The following LRP1B variants were observed in gnomAD, a reference collection of about 807,000 sequenced individuals.
The protein encoded by LRP1B is low-density lipoprotein receptor-related protein 1B.
In LRP1B, 217 loss-of-function variants were observed where a neutral mutation model predicts 556.6. The observed-to-expected ratio is 0.39, with a 90% CI of 0.35 to 0.44. The LOEUF is 0.44. LRP1B is among the 20% of genes least tolerant of loss of function. The probability of loss-of-function intolerance (pLI) is 1.00; values close to 1 mark genes in which losing one functional copy is unlikely to be tolerated. For missense variants in LRP1B, 5,053 were observed against 5,620.8 expected (o/e 0.90, Z 3.23); for synonymous variants, 2,047 against 1,865.8 (o/e 1.10, Z -2.50).
chr2:140,270,529 T>C (rs1682410127), intron 85 of LRP1B, among the ~76,000 whole-genome samples, 183 bp from the exon 86 acceptor site: 1 of 151,986 alleles, frequency 6.6e-6, no homozygotes, highest in Admixed American at 6.6e-5. Context: ...CAGAATGATG[T>C]CATAAAATTT....
intron 1 of LRP1B, among the ~76,000 whole-genome samples, chr2:142,071,462 C>T (rs1705306366): frequency 6.6e-6 from 1 of 151,578 alleles, no homozygotes; most frequent in South Asian, 2.1e-4. Flanking sequence ...TAAGAATAGA[C>T]CTGTACAGTT....
intron 66 of LRP1B, among the ~76,000 whole-genome samples, chr2:140,435,211 G>A (rs1378969429): frequency 6.6e-6 from 1 of 152,104 alleles, no homozygotes; most frequent in Non-Finnish European, 1.5e-5. Context: ...AAAAGAGGTA[G>A]AACTTTTAAA....
intron 7 of LRP1B, among the ~76,000 whole-genome samples, chr2:141,173,881 G>T (rs138475864): frequency 6.6e-6 from 1 of 152,162 alleles, no homozygotes; most frequent in South Asian, 2.1e-4. Flanking sequence ...GCCAGTTAAA[G>T]ATGAGATTCA....
chr2:141,672,299 C>A (rs550473262), intron 2 of LRP1B, among the ~76,000 whole-genome samples: 3 of 152,180 alleles, frequency 2.0e-5, no homozygotes, highest in African/African-American at 7.2e-5. Flanking sequence ...TCACAGTAAG[C>A]ACCCAGTAGC....
At chr2:141,467,839 C>CGAGG (rs1553518610) in intron 3 of LRP1B, among the ~76,000 whole-genome samples, 1 of 57,150 alleles carries the variant, frequency 1.7e-5, no homozygotes, top group African/African-American at 4.4e-5. Flanking sequence ...GTTTGCGGAC[C>CGAGG]GGGGGGGGGG....
intron 7 of LRP1B, among the ~76,000 whole-genome samples, chr2:141,170,217 C>T (rs576596840): frequency 2.0e-5 from 3 of 152,016 alleles, no homozygotes; most frequent in African/African-American, 4.8e-5. Context: ...TTGTATTGTG[C>T]GAGAGAGTCA....
chr2:140,702,039 C>T (rs1686662968), intron 39 of LRP1B, 102 bp downstream of exon 39: 6 of 1,431,804 alleles, frequency 4.2e-6, no homozygotes. Context: ...TTGTGAGTTC[C>T]TTTTTGTGAC....
intron 2 of LRP1B, among the ~76,000 whole-genome samples, chr2:141,675,018 C>A (rs1019078268): frequency 2.0e-5 from 3 of 151,912 alleles, no homozygotes; most frequent in Non-Finnish European, 4.4e-5. Context: ...TATGACTGAG[C>A]ATACTTAAAT....
intron 2 of LRP1B, among the ~76,000 whole-genome samples, chr2:141,593,180 G>C (rs992054841): frequency 3.9e-5 from 6 of 152,118 alleles, no homozygotes; most frequent in African/African-American, 1.2e-4. Flanking sequence ...ACATTCCAGG[G>C]AAGGCATGAA....
At chr2:141,542,737 CTT>C (rs1685305312) in intron 2 of LRP1B, among the ~76,000 whole-genome samples, 1 of 152,128 alleles carries the variant, frequency 6.6e-6, no homozygotes. Flanking sequence ...ACTCTGCTCT[CTT>C]TGTCTCATTT....
chr2:142,054,542 T>C (rs1158814800), intron 1 of LRP1B, among the ~76,000 whole-genome samples: 2 of 152,130 alleles, frequency 1.3e-5, no homozygotes, highest in Non-Finnish European at 2.9e-5. Flanking sequence ...TTAGTTACTT[T>C]TTCTCATACC....
At chr2:141,514,088 C>T (rs1684222746) in intron 2 of LRP1B, among the ~76,000 whole-genome samples, 1 of 152,136 alleles carries the variant, frequency 6.6e-6, no homozygotes, top group Admixed American at 6.6e-5. Flanking sequence ...TAAACTGCCC[C>T]CTGGTGACAA....
intron 41 of LRP1B, among the ~76,000 whole-genome samples, chr2:140,646,316 A>C (rs192857506): frequency 6.6e-6 from 1 of 152,312 alleles, no homozygotes. Context: ...TGATCACCGC[A>C]TGTTTGAACA....
intron 41 of LRP1B, among the ~76,000 whole-genome samples, chr2:140,697,131 G>A (rs992578698): frequency 6.6e-6 from 1 of 152,184 alleles, no homozygotes; most frequent in East Asian, 1.9e-4. Flanking sequence ...CCCTACATAT[G>A]TTTCAACACT....
At chr2:141,726,156 G>C (rs1472025139) in intron 2 of LRP1B, among the ~76,000 whole-genome samples, 1 of 150,512 alleles carries the variant, frequency 6.6e-6, no homozygotes, top group Non-Finnish European at 1.5e-5. Flanking sequence ...ATAATAAATG[G>C]CATGAAAATA....
At chr2:141,616,066 G>A (rs1343624890) in intron 2 of LRP1B, among the ~76,000 whole-genome samples, 5 of 152,154 alleles carry the variant, frequency 3.3e-5, no homozygotes, top group East Asian at 1.9e-4. Flanking sequence ...GGCGGACCAC[G>A]AGGTCAGGAG....
At chr2:141,331,409 GA>G (rs1271167400) in intron 3 of LRP1B, among the ~76,000 whole-genome samples, 3 of 152,168 alleles carry the variant, frequency 2.0e-5, no homozygotes, top group African/African-American at 7.2e-5. Context: ...ATGGAGATGG[GA>G]ATTGGCAGAT....
intron 20 of LRP1B, among the ~76,000 whole-genome samples, chr2:140,937,454 A>G (rs1266208443): frequency 6.6e-6 from 1 of 152,128 alleles, no homozygotes; most frequent in Non-Finnish European, 1.5e-5. Flanking sequence ...GATAAGGAAG[A>G]ATAGGTAATT....
At chr2:140,815,508 T>C (rs1223956798) in intron 31 of LRP1B, among the ~76,000 whole-genome samples, 1 of 151,962 alleles carries the variant, frequency 6.6e-6, no homozygotes, top group Non-Finnish European at 1.5e-5. Flanking sequence ...GAGTGCAGAT[T>C]CTATAGGAAC....
Sources: allele counts gnomAD v4.1 joint callset (sites outside exome capture counted in the v4.1 genomes callset), GRCh38; gene constraint gnomAD v4.1.1; transcripts MANE v1.5; gene names NCBI Gene and HGNC (gene_info 2026-07-23, HGNC 2026-07-21).